TMEM132E: variants seen among roughly 807,000 people sequenced by gnomAD.
TMEM132E encodes transmembrane protein 132E.
Under a neutral mutation model 78.5 loss-of-function variants are expected in TMEM132E, and 49 were observed. The ratio of observed to expected loss-of-function variants is 0.62; its 90% confidence interval spans 0.50 to 0.79. The LOEUF (loss-of-function observed/expected upper bound fraction) is 0.79, where lower values mean the gene tolerates loss of function less well. Ranked by LOEUF, TMEM132E falls within the 30% of genes least tolerant of loss-of-function variation. The pLI, the probability that TMEM132E is intolerant of heterozygous loss-of-function variation, is 0.00. For missense variants in TMEM132E, 1,403 were observed against 1,470.9 expected, an observed-to-expected ratio of 0.95 and a Z score of 0.75; for synonymous variants, 715 against 670.6, an observed-to-expected ratio of 1.07 and a Z score of -1.02.
Position 34,580,681 on chromosome 17 carries a change from A to C in TMEM132E, c.-396A>C, listed in dbSNP as rs892512251. On this transcript the variant is annotated 5_prime_UTR_variant, in exon 1 of 9. Transcript: ENST00000631683. ...ACTGGGGATTGCGTTGGAAGTCGGC[A>C]CCCTCGAGTGAGTTCGGATTCGAGC... 8 of 193,046 alleles carry C rather than the reference A, an allele frequency of 4.1e-5. No individual in the cohort carries two copies. The highest frequency in any genetic ancestry group is 7.4e-5 in the Non-Finnish European group (7 of 95,236). 12.0% of individuals were successfully genotyped at this position (193,046 alleles called of 1,614,324 possible).
At position 34,637,400 on chromosome 17, in the gene TMEM132E, G is replaced by GC; in HGVS notation, c.2394dup (p.Lys799GlnfsTer25). The GC allele has an allele frequency of 1.2e-6, 2 of 1,613,814 alleles. No homozygotes were observed. Among genetic ancestry groups the GC allele is most frequent in the Non-Finnish European group, 1.7e-6 (2 of 1,180,040 alleles). On this transcript the variant is annotated frameshift_variant, in exon 9 of 9. Coordinates refer to ENST00000631683, the MANE Select transcript of TMEM132E (RefSeq NM_001304438.2). LOFTEE classifies it high-confidence loss of function. ...GCTGAGAGCTGCCAGAAAACCAAAC[G>GC]CAAGAGTGTGCTCGCCACGACCCCT...
At chr17:34,597,671 T>G (rs767929273) in intron 1 of TMEM132E, among the ~76,000 whole-genome samples, 1 of 152,122 alleles carries the variant, frequency 6.6e-6, no homozygotes, top group Non-Finnish European at 1.5e-5. Context: ...ACCATCATGA[T>G]CTTCATGACC....
chr17:34,613,197 C>CACACACACA (rs1555563333), intron 1 of TMEM132E, among the ~76,000 whole-genome samples: 1 of 131,064 alleles, frequency 7.6e-6, no homozygotes, highest in Non-Finnish European at 1.6e-5. Flanking sequence ...ACACACACAC[C>CACACACACA]CACACACACA....
At chr17:34,584,635 G>A (rs1445517994) in intron 1 of TMEM132E, among the ~76,000 whole-genome samples, 2 of 152,204 alleles carry the variant, frequency 1.3e-5, no homozygotes, top group Non-Finnish European at 2.9e-5. Flanking sequence ...AATGGATGGG[G>A]TAGGAGGACA....
rs1354959176 is a variant in TMEM132E at position 34,581,752 on chromosome 17, G to C, written c.67+609G>C. Among the ~76,000 whole-genome samples the C allele has an allele frequency of 2.6e-5, 4 of 151,742 alleles. No homozygotes were observed. The East Asian group carries it at 7.9e-4, about 30-fold the overall frequency. ...GGGGGTCTGGGCACCCGCACAGGCC[G>C]GGGCGGTGGGCCGCGGGCCGCGCGC... On this transcript the variant is annotated intron_variant, in intron 1 of 8. Coordinates refer to ENST00000631683, the MANE Select transcript of TMEM132E (RefSeq NM_001304438.2).
chr17:34,586,874 A>T (rs1339863582), intron 1 of TMEM132E, among the ~76,000 whole-genome samples: 1 of 152,090 alleles, frequency 6.6e-6, no homozygotes, highest in African/African-American at 2.4e-5. Flanking sequence ...TATCTAGGAC[A>T]TTACCTGCCC....
chr17:34,628,815 G>A lies in TMEM132E; in HGVS notation c.1145+106G>A, dbSNP rs543771061. ...CTAGGCTTGGGGAGGGCTGGGGCTC[G>A]GTCATTGGGGTCTCTGAGGTCCAGG... On this transcript the variant is annotated intron_variant, in intron 3 of 8. Transcript: ENST00000631683. The A allele has an allele frequency of 1.1e-5, 15 of 1,419,248 alleles. No individual in the cohort carries two copies. The African/African-American group carries it at 1.4e-4, about 14-fold the overall frequency. The allele number at this position is 1,419,248 out of a possible 1,614,324, so 87.9% of individuals were successfully genotyped here. A position where few individuals can be genotyped will look rare whatever the true frequency, so the allele number is the denominator to read the frequency against.
intron 1 of TMEM132E, among the ~76,000 whole-genome samples, chr17:34,604,730 G>A (rs1906355518): frequency 6.6e-6 from 1 of 152,204 alleles, no homozygotes; most frequent in African/African-American, 2.4e-5. Context: ...CAAAGAAAGG[G>A]AAAGAATGCA....
Position 34,626,175 on chromosome 17 carries a change from C to A in TMEM132E, c.116C>A (p.Ala39Asp). The A allele has an allele frequency of 6.4e-7, 1 of 1,561,528 alleles. No homozygotes were observed. Among genetic ancestry groups the A allele is most frequent in the South Asian group, 1.2e-5 (1 of 84,686 alleles). Residue 39 changes from alanine to aspartate, a missense_variant, in exon 2 of 9, where the codon GCC becomes GAC. By Grantham distance (126) the Ala-to-Asp change is moderately radical. Transcript: ENST00000631683. ...AGCCCCAGCCCGCCGGGGCCGCAGGCCAGCCCGGTGCTGCCAGTCAGCTAC... is the reference window on the plus strand; with the variant it reads ...AGCCCCAGCCCGCCGGGGCCGCAGGACAGCCCGGTGCTGCCAGTCAGCTAC... Reference protein sequence around the residue: ...PASPSPPGPQASPVLPVSYRL... With the variant: ...PASPSPPGPQDSPVLPVSYRL...
In TMEM132E at chr17:34,595,045, C is replaced by T. The variant is rs574069444; in HGVS notation, c.67+13902C>T. ...CTGGAGGAGCAGGGACTGGCCTACC[C>T]GGACTTTGGAAAGGGCCAGGTATGG... On this transcript the variant is annotated intron_variant, in intron 1 of 8. Coordinates refer to ENST00000631683, the MANE Select transcript of TMEM132E (RefSeq NM_001304438.2). 1.6e-4 allele frequency among the ~76,000 whole-genome samples: 25 copies of T among 152,314 alleles called. No homozygotes were observed. The East Asian group carries it at 2.1e-3, about 13-fold the overall frequency.
chr17:34,598,275 A>G (rs1906120596), intron 1 of TMEM132E, among the ~76,000 whole-genome samples: 1 of 151,886 alleles, frequency 6.6e-6, no homozygotes, highest in African/African-American at 2.4e-5. Context: ...CCACTGTGCC[A>G]TGGGGAGAGG....
chr17:34,620,191 G>A (rs977158265), intron 1 of TMEM132E, among the ~76,000 whole-genome samples: 21 of 152,186 alleles, frequency 1.4e-4, no homozygotes, highest in African/African-American at 5.1e-4. Context: ...CTGGGGAGAA[G>A]GTTGTCTGGG....
chr17:34,601,801 G>T (rs1158219137), intron 1 of TMEM132E, among the ~76,000 whole-genome samples: 1 of 152,164 alleles, frequency 6.6e-6, no homozygotes, highest in Non-Finnish European at 1.5e-5. Flanking sequence ...AAAACCCCAG[G>T]CCCGAGTACC....
intron 1 of TMEM132E, among the ~76,000 whole-genome samples, chr17:34,619,815 A>G (rs1906900652): frequency 6.6e-6 from 1 of 152,206 alleles, no homozygotes; most frequent in Non-Finnish European, 1.5e-5. Flanking sequence ...TCCTATATTC[A>G]GGCAAACCCA....
intron 1 of TMEM132E, among the ~76,000 whole-genome samples, chr17:34,624,378 A>G (rs1187412622): frequency 7.7e-6 from 1 of 129,118 alleles, no homozygotes; most frequent in Non-Finnish European, 1.7e-5. Context: ...TGATTTGTTG[A>G]AGGCTTTCTT....
At chr17:34,629,335 G>A in intron 4 of TMEM132E, 131 bp downstream of exon 4, 1 of 1,003,166 alleles carries the variant, frequency 1.0e-6, no homozygotes, top group Non-Finnish European at 1.4e-6. Flanking sequence ...TTCCTGCCAT[G>A]CCCAGGTATG....
In TMEM132E at chr17:34,637,435, C is replaced by A. The variant is rs746275676; in HGVS notation, c.2428C>A (p.Arg810=). 2.5e-6 allele frequency: 4 copies of A among 1,613,576 alleles called. No individual in the cohort carries two copies. Among genetic ancestry groups the A allele is most frequent in the Non-Finnish European group, 3.4e-6 (4 of 1,180,034 alleles). ...SVLATTPVGL[R]VHFGRDEEDP... ...GCTCGCCACGACCCCTGTGGGCCTG[C>A]GGGTGCACTTTGGGAGGGACGAGGA... Residue 810 remains arginine (R), a synonymous_variant, in exon 9 of 9, where the codon CGG becomes AGG. Transcript: ENST00000631683.
At chr17:34,635,531 A>G (rs1567722340) in intron 7 of TMEM132E, among the ~76,000 whole-genome samples, 1 of 152,312 alleles carries the variant, frequency 6.6e-6, no homozygotes, top group South Asian at 2.1e-4. Flanking sequence ...AAAACAATTG[A>G]TCCAATGTGT....
chr17:34,635,774 C>T, intron 7 of TMEM132E: 1 of 393,810 alleles, frequency 2.5e-6, no homozygotes, highest in Non-Finnish European at 4.5e-6. Flanking sequence ...ATTGGCCCAC[C>T]TCTCTCATTT....
Sources: allele counts gnomAD v4.1 joint callset (sites outside exome capture counted in the v4.1 genomes callset), GRCh38; gene constraint gnomAD v4.1.1; transcripts MANE v1.5; gene names NCBI Gene and HGNC (gene_info 2026-07-23, HGNC 2026-07-21).